JAKMIP1: variants seen among roughly 807,000 people sequenced by gnomAD.
JAKMIP1 encodes the protein janus kinase and microtubule interacting protein 1.
Under a neutral mutation model 113.0 loss-of-function variants are expected in JAKMIP1, and 33 were observed. The observed-to-expected ratio is 0.29, with a 90% CI of 0.22 to 0.39. The LOEUF (loss-of-function observed/expected upper bound fraction) is 0.39. JAKMIP1 is among the 10% of genes least tolerant of loss of function. The pLI is 1.00. For synonymous variants in JAKMIP1, 480 were observed against 459.9 expected, an observed-to-expected ratio of 1.04 and a Z score of -0.56; for missense variants, 813 against 1,080.5, an observed-to-expected ratio of 0.75 and a Z score of 3.47.
intron 1 of JAKMIP1, among the ~76,000 whole-genome samples, chr4:6,146,362 G>A (rs1246376739): frequency 6.6e-6 from 1 of 152,080 alleles, no homozygotes; most frequent in Non-Finnish European, 1.5e-5. Flanking sequence ...GCACAATCAT[G>A]GCTGACTGCA....
At chr4:6,115,562 T>C (rs1715617031) in intron 1 of JAKMIP1, among the ~76,000 whole-genome samples, 2 of 152,196 alleles carry the variant, frequency 1.3e-5, no homozygotes, top group Admixed American at 6.5e-5. Flanking sequence ...GGAAAGGACA[T>C]AGCAGCCACG....
At chr4:6,048,782 G>T in intron 16 of JAKMIP1, 75 bp downstream of exon 16, 3 of 1,252,218 alleles carry the variant, frequency 2.4e-6, no homozygotes, top group Non-Finnish European at 3.5e-6. Context: ...AAAGCAAGAC[G>T]CCAATGTACA....
At chr4:6,190,138 C>A (rs1727088976) in intron 1 of JAKMIP1, among the ~76,000 whole-genome samples, 1 of 152,130 alleles carries the variant, frequency 6.6e-6, no homozygotes. Flanking sequence ...ACCCGAGGAG[C>A]AGTTCTCAGG....
intron 1 of JAKMIP1, among the ~76,000 whole-genome samples, chr4:6,195,275 T>G (rs1468516538): frequency 6.6e-6 from 1 of 152,180 alleles, no homozygotes; most frequent in African/African-American, 2.4e-5. Context: ...ATGGCATCAG[T>G]GAAGAATGTG....
intron 1 of JAKMIP1, among the ~76,000 whole-genome samples, chr4:6,144,327 G>A (rs1720544440): frequency 6.6e-6 from 1 of 152,180 alleles, no homozygotes; most frequent in African/African-American, 2.4e-5. Context: ...GAAGAAGAAT[G>A]AATATCTAAC....
rs1721984921 is a variant in JAKMIP1, at chr4:6,154,441, A to T, written c.-147-41444T>A. Among the ~76,000 whole-genome samples the T allele has an allele frequency of 6.6e-6, 1 of 151,996 alleles. No homozygotes were observed. Among genetic ancestry groups the T allele is most frequent in the African/African-American group, 2.4e-5 (1 of 41,368 alleles). ...TTTCACAACAAGCTAAAAACCGAACAGAAGCCTTTAGTTCCCTGAGTGATT... is the reference window on the plus strand; with the variant it reads ...TTTCACAACAAGCTAAAAACCGAACTGAAGCCTTTAGTTCCCTGAGTGATT... On this transcript the variant is annotated intron_variant, in intron 1 of 20. Transcript: ENST00000409021. This position sits in a 1 kb window ranked among gnomAD's most constrained non-coding sequence, Gnocchi z 4.2.
At chr4:6,056,813 G>T in intron 11 of JAKMIP1, 54 bp from the exon 12 acceptor site, 1 of 1,236,858 alleles carries the variant, frequency 8.1e-7, no homozygotes, top group Non-Finnish European at 1.2e-6. Flanking sequence ...AGATGGTCAA[G>T]TAACAAACTT....
rs2108819277 is a variant in JAKMIP1 at position 6,080,099 on chromosome 4, A to G, written c.1242+73T>C. On this transcript the variant is annotated intron_variant, in intron 7 of 20. Transcript: ENST00000409021. The surrounding 1 kb of genome is among the most constrained non-coding windows in gnomAD (Gnocchi z 6.0). ...CAGCAGCATCACCCTGAGCCCCAAC[A>G]CCCGTTCCTGACACCCATGTCAGCT... 1 of 1,494,528 alleles carries G rather than the reference A, an allele frequency of 6.7e-7. No individual in the cohort carries two copies. Among genetic ancestry groups the G allele is most frequent in the South Asian group, 1.3e-5 (1 of 74,614 alleles). 92.6% of individuals were successfully genotyped at this position (1,494,528 alleles called of 1,614,324 possible). A position where few individuals can be genotyped will look rare whatever the true frequency, so the allele number is the denominator to read the frequency against.
At position 6,050,776 on chromosome 4, in the gene JAKMIP1, G is replaced by A. The variant is rs1011019592; in HGVS notation, c.1807-97C>T. On this transcript the variant is annotated intron_variant, in intron 13 of 20. Transcript: ENST00000409021. This position sits in a 1 kb window ranked among gnomAD's most constrained non-coding sequence, Gnocchi z 7.4. Reference sequence around the variant, plus strand: ...TCAGCAAAAACCAAGGAATTCCAGTGGGCACAGACGTTACTAAAAAGCACG... The same window carrying A: ...TCAGCAAAAACCAAGGAATTCCAGTAGGCACAGACGTTACTAAAAAGCACG... 8.5e-6 allele frequency: 8 copies of A among 938,108 alleles called. No homozygotes were observed. The African/African-American group carries it at 1.3e-4, about 16-fold the overall frequency. 58.1% of individuals were successfully genotyped at this position (938,108 alleles called of 1,614,324 possible). A position where few individuals can be genotyped will look rare whatever the true frequency, so the allele number is the denominator to read the frequency against.
chr4:6,065,856 G>A lies in JAKMIP1; in HGVS notation c.1303-848C>T, dbSNP rs1220422308. Among the ~76,000 whole-genome samples the A allele has an allele frequency of 2.0e-5, 3 of 152,150 alleles. No individual in the cohort carries two copies. The highest frequency in any genetic ancestry group is 6.5e-5 in the Admixed American group (1 of 15,282). ...AAAGCTCCTTCTATGGGCCAGACAC[G>A]GGGCAGGCCTGGGGAATACAATAGG... On this transcript the variant is annotated intron_variant, in intron 8 of 20. Coordinates refer to ENST00000409021, the MANE Select transcript of JAKMIP1 (RefSeq NM_001099433.2). This position sits in a 1 kb window ranked among gnomAD's most constrained non-coding sequence, Gnocchi z 5.1.
chr4:6,072,857 TC>T (rs1471428618), intron 8 of JAKMIP1, among the ~76,000 whole-genome samples: 1 of 152,000 alleles, frequency 6.6e-6, no homozygotes, highest in Non-Finnish European at 1.5e-5. Context: ...GGCAGGCAGG[TC>T]ACTTGAGGTC....
rs1296089000 is a variant in JAKMIP1, at chr4:6,064,915, T to C, written c.1396A>G (p.Arg466Gly). ...TCTTCTTCGGGCGTGGCTGGGGTCC[T>C]GTCTGTCCTGTCTGTGTTGTAGGAT... ...ETSYNTDRTD[R>G]TPATPEEDLD... The change falls in exon 9 of 21, where the codon AGG becomes GGG. Residue 466 changes from arginine to glycine, a missense_variant. Physicochemically the swap from Arg to Gly is moderately radical, Grantham distance 125. Transcript: ENST00000409021. The surrounding 1 kb of genome is among the most constrained non-coding windows in gnomAD (Gnocchi z 4.3). 1 of 1,614,170 alleles carries C rather than the reference T, an allele frequency of 6.2e-7. No homozygotes were observed. Among genetic ancestry groups the C allele is most frequent in the South Asian group, 1.1e-5 (1 of 91,074 alleles).
intron 1 of JAKMIP1, among the ~76,000 whole-genome samples, chr4:6,159,488 C>T (rs192816368): frequency 1.3e-4 from 19 of 147,736 alleles, no homozygotes; most frequent in African/African-American, 4.7e-4. Context: ...TTTCAGAAGT[C>T]AAAATTGCTT....
chr4:6,043,260 C>T (rs1035064908), intron 16 of JAKMIP1, among the ~76,000 whole-genome samples: 1 of 151,914 alleles, frequency 6.6e-6, no homozygotes, highest in African/African-American at 2.4e-5. Context: ...TGTGGAGCAC[C>T]CCCTTTCCTG....
chr4:6,090,292 G>C (rs183438461), intron 3 of JAKMIP1, among the ~76,000 whole-genome samples: 119 of 152,178 alleles, frequency 7.8e-4, no homozygotes, highest in Non-Finnish European at 1.4e-3. Context: ...TGCAGGCAGA[G>C]ACTGAAGTGG....
intron 3 of JAKMIP1, among the ~76,000 whole-genome samples, chr4:6,091,087 A>G (rs1310435663): frequency 2.0e-5 from 3 of 152,368 alleles, no homozygotes; most frequent in Admixed American, 6.5e-5. Flanking sequence ...CCAGCAGCCC[A>G]TCTTCTGAAT....
chr4:6,151,279 G>A (rs1461720791), intron 1 of JAKMIP1, among the ~76,000 whole-genome samples: 2 of 152,060 alleles, frequency 1.3e-5, no homozygotes, highest in African/African-American at 2.4e-5. Flanking sequence ...CTTTCCCTAC[G>A]GAAAAACTAA....
Position 6,040,256 on chromosome 4 carries a change from C to A in JAKMIP1, c.2175+383G>T, listed in dbSNP as rs191679038. On this transcript the variant is annotated intron_variant, in intron 18 of 20. Coordinates refer to ENST00000409021, the MANE Select transcript of JAKMIP1 (RefSeq NM_001099433.2). The surrounding 1 kb of genome is among the most constrained non-coding windows in gnomAD (Gnocchi z 5.8). Reference sequence around the variant, plus strand: ...AAAATCACCTGGCTTCATCTAATTGCTTTACCTCTGCGTTCCTTTGTGATC... The same window carrying A: ...AAAATCACCTGGCTTCATCTAATTGATTTACCTCTGCGTTCCTTTGTGATC... 2.5e-4 allele frequency among the ~76,000 whole-genome samples: 38 copies of A among 152,324 alleles called. No individual in the cohort carries two copies. The East Asian group carries it at 7.1e-3, about 29-fold the overall frequency.
rs897374304 is a variant in JAKMIP1 at position 6,081,495 on chromosome 4, G to T, written c.1101+114C>A. On this transcript the variant is annotated intron_variant, in intron 6 of 20. Transcript: ENST00000409021. This position sits in a 1 kb window ranked among gnomAD's most constrained non-coding sequence, Gnocchi z 4.6. ...ACTGACACTGTGCCTGGTGCTTTGT[G>T]GGGAGGTGGGCAGCAGGTGCGCCCC... The T allele has an allele frequency of 5.1e-5, 58 of 1,128,670 alleles. No homozygotes were observed. The Admixed American group carries it at 7.0e-4, about 14-fold the overall frequency. The allele number at this position is 1,128,670 out of a possible 1,614,324, so 69.9% of individuals were successfully genotyped here. A position where few individuals can be genotyped will look rare whatever the true frequency, so the allele number is the denominator to read the frequency against.
Sources: gnomAD v4.1 joint callset for allele counts (sites outside exome capture counted in the v4.1 genomes callset) on GRCh38, gnomAD v4.1.1 for gene constraint, Gnocchi (gnomAD v3.1) non-coding constraint, MANE v1.5 for transcripts, NCBI Gene and HGNC (gene_info 2026-07-23, HGNC 2026-07-21) for gene names.